ABCB11: variants seen among roughly 807,000 people sequenced by gnomAD.
ABCB11 encodes the protein ATP binding cassette subfamily B member 11, also known as bile salt export pump.
In ABCB11, 95 loss-of-function variants were observed where a neutral mutation model predicts 148.0. The observed-to-expected ratio is 0.64, with a 90% CI of 0.54 to 0.76. The LOEUF (loss-of-function observed/expected upper bound fraction) is 0.76. ABCB11 is among the 30% of genes least tolerant of loss of function. ABCB11 has a pLI of 0.00. For missense variants in ABCB11, 1,523 were observed against 1,617.8 expected (o/e 0.94, Z 1.01); for synonymous variants, 591 against 555.4 (o/e 1.06, Z -0.90).
At chr2:168,985,757 A>G (rs148365428) in intron 10 of ABCB11, among the ~76,000 whole-genome samples, 2,234 of 152,204 alleles carry the variant, frequency 0.015, 54 homozygotes, top group African/African-American at 0.051. Context: ...ATGCAAAGGC[A>G]TAAGAATGAT....
At chr2:169,007,659 G>A (rs1695063836) in intron 5 of ABCB11, among the ~76,000 whole-genome samples, 1 of 152,166 alleles carries the variant, frequency 6.6e-6, no homozygotes, top group African/African-American at 2.4e-5. Context: ...AGCAACAAAA[G>A]AATAAACTAG....
intron 1 of ABCB11, among the ~76,000 whole-genome samples, chr2:169,027,606 T>G (rs1215691998): frequency 6.6e-6 from 1 of 152,202 alleles, no homozygotes; most frequent in Non-Finnish European, 1.5e-5. Context: ...ATCAGCTAGA[T>G]GGTCACTTGA....
chr2:169,009,913 T>G (rs1307246540), intron 5 of ABCB11, among the ~76,000 whole-genome samples: 1 of 152,122 alleles, frequency 6.6e-6, no homozygotes, highest in Admixed American at 6.6e-5. Flanking sequence ...TACAAAATAG[T>G]GCTTGCTTAT....
intron 1 of ABCB11, among the ~76,000 whole-genome samples, chr2:169,029,281 T>C (rs1217933598): frequency 1.3e-5 from 2 of 151,948 alleles, no homozygotes; most frequent in African/African-American, 4.8e-5. Flanking sequence ...TTCTTTTTTT[T>C]TTTTTTAAAG....
chr2:168,960,176 T>C (rs1559204031), intron 18 of ABCB11, among the ~76,000 whole-genome samples: 1 of 151,630 alleles, frequency 6.6e-6, no homozygotes, highest in African/African-American at 2.4e-5. Context: ...TCCAATTTAG[T>C]AGGCCTAACT....
Position 168,993,716 on chromosome 2 carries a change from C to G in ABCB11, c.778G>C (p.Gly260Arg). 1 of 1,607,922 alleles carries G rather than the reference C, an allele frequency of 6.2e-7. No individual in the cohort carries two copies. The highest frequency in any genetic ancestry group is 8.5e-7 in the Non-Finnish European group (1 of 1,176,956). Residue 260 changes from glycine (G) to arginine (R), a missense_variant, in exon 8 of 28, where the codon GGT (glycine) becomes CGT (arginine). Physicochemically the swap from Gly to Arg is moderately radical, Grantham distance 125. Coordinates refer to ENST00000650372, the MANE Select transcript of ABCB11 (RefSeq NM_003742.4). ...ATGCAAAAAGACATTCTTACCAGAC[C>G]AATGGTGGCTGCTCCAATCCCAATG... ...PLIGIGAATI[G>R]LSVSKFTDYE... is the part of the protein sequence containing the mutation.
rs188059861 is a variant in ABCB11 at position 168,974,565 on chromosome 2, T to C, written c.1309-725A>G. ...AACTTGCAAATACATTTTCACTTACTGGCCTGTATTGGACTGTAAGCTCCC... is the reference window on the plus strand; with the variant it reads ...AACTTGCAAATACATTTTCACTTACCGGCCTGTATTGGACTGTAAGCTCCC... On this transcript the variant is annotated intron_variant, in intron 12 of 27. Transcript: ENST00000650372. Among the ~76,000 whole-genome samples, 252 of 152,150 alleles carry C rather than the reference T, an allele frequency of 1.7e-3. 2 individuals are homozygous for C. Among genetic ancestry groups the C allele is most frequent in the South Asian group, 3.1e-3 (15 of 4,832 alleles).
intron 19 of ABCB11, among the ~76,000 whole-genome samples, chr2:168,957,239 G>A (rs931051354): frequency 4.0e-5 from 6 of 151,592 alleles, no homozygotes; most frequent in African/African-American, 1.5e-4. Context: ...CCACTTGCTA[G>A]CCTAAGCTCT....
At chr2:168,994,953 C>T (rs1218711004) in intron 7 of ABCB11, among the ~76,000 whole-genome samples, 1 of 151,956 alleles carries the variant, frequency 6.6e-6, no homozygotes, top group Non-Finnish European at 1.5e-5. Flanking sequence ...TTTCAGGGGA[C>T]CTCAAAATTC....
At chr2:168,927,458 G>A (rs1574394679) in intron 25 of ABCB11, 96 bp from the exon 26 acceptor site, 8 of 1,064,174 alleles carry the variant, frequency 7.5e-6, no homozygotes, top group East Asian at 5.1e-5. Flanking sequence ...AGGACATTTG[G>A]TTTGCTTAAC....
At chr2:168,924,614 A>G in intron 27 of ABCB11, 43 bp downstream of exon 27, 1 of 1,585,086 alleles carries the variant, frequency 6.3e-7, no homozygotes. Context: ...ACAGCAAAAG[A>G]CTTATTTGTA....
At chr2:168,991,663 A>G (rs1209740483) in intron 8 of ABCB11, among the ~76,000 whole-genome samples, 1 of 152,094 alleles carries the variant, frequency 6.6e-6, no homozygotes, top group South Asian at 2.1e-4. Context: ...TTTATCTTCC[A>G]GTAGTTTTTC....
intron 21 of ABCB11, among the ~76,000 whole-genome samples, chr2:168,937,926 C>T (rs2105901530): frequency 6.6e-6 from 1 of 152,230 alleles, no homozygotes; most frequent in East Asian, 1.9e-4. Flanking sequence ...ATCGTCGTTT[C>T]AGTTGCAGCT....
chr2:168,978,543 C>A (rs1240506731), intron 11 of ABCB11, among the ~76,000 whole-genome samples: 1 of 152,116 alleles, frequency 6.6e-6, no homozygotes, highest in Non-Finnish European at 1.5e-5. Context: ...TAATAGGTTA[C>A]AACTTCACTG....
chr2:169,011,197 G>A (rs1222396632), intron 5 of ABCB11, among the ~76,000 whole-genome samples: 1 of 152,076 alleles, frequency 6.6e-6, no homozygotes, highest in Non-Finnish European at 1.5e-5. Flanking sequence ...CAAATTTTAA[G>A]GCATGATAAG....
At chr2:168,954,895 G>A (rs1164434645) in intron 19 of ABCB11, among the ~76,000 whole-genome samples, 2 of 151,602 alleles carry the variant, frequency 1.3e-5, no homozygotes, top group African/African-American at 2.4e-5. Context: ...TCCATGTTCA[G>A]TCCCTTTACT....
chr2:168,932,935 C>G (rs1574401691), intron 23 of ABCB11, among the ~76,000 whole-genome samples: 1 of 151,884 alleles, frequency 6.6e-6, no homozygotes, highest in East Asian at 1.9e-4. Flanking sequence ...CGGTGAAACC[C>G]CGTCTCTACT....
intron 20 of ABCB11, 34 bp downstream of exon 20, chr2:168,944,823 A>T: frequency 6.2e-7 from 1 of 1,607,908 alleles, no homozygotes; most frequent in Middle Eastern, 1.7e-4. Flanking sequence ...AGGAAAAATA[A>T]CTAAATCACT....
intron 2 of ABCB11, among the ~76,000 whole-genome samples, 180 bp from the exon 3 acceptor site, chr2:169,016,979 TACACACACACACACACACAC>T (rs71397686): frequency 1.4e-5 from 2 of 138,004 alleles, no homozygotes; most frequent in Non-Finnish European, 3.1e-5. Flanking sequence ...TCTATCTTTC[TACACACACACACACACACAC>T]ACACACACAC....
Sources: gnomAD v4.1 joint callset for allele counts (sites outside exome capture counted in the v4.1 genomes callset) on GRCh38, gnomAD v4.1.1 for gene constraint, MANE v1.5 for transcripts, NCBI Gene and HGNC (gene_info 2026-07-23, HGNC 2026-07-21) for gene names.